The following NCAM2 variants were observed in gnomAD, a reference collection of about 807,000 sequenced individuals.
NCAM2 encodes the protein neural cell adhesion molecule 2.
A neutral mutation model predicts 98.1 loss-of-function variants in NCAM2; 30 were observed. The observed-to-expected ratio is 0.31, with a 90% CI of 0.23 to 0.41. The LOEUF is 0.41. Among genes scored for constraint, NCAM2 ranks in the 10% least tolerant of loss-of-function variants. NCAM2 has a pLI of 1.00. For missense variants in NCAM2, 867 were observed against 1,005.8 expected (o/e 0.86, Z 1.87); for synonymous variants, 368 against 342.4 (o/e 1.07, Z -0.83).
chr21:21,053,195 T>G (rs2065145912), intron 1 of NCAM2, among the ~76,000 whole-genome samples: 1 of 152,132 alleles, frequency 6.6e-6, no homozygotes. Flanking sequence ...AGTAAATATT[T>G]ATATAATGAT....
Position 21,142,841 on chromosome 21 carries a change from A to G in NCAM2, c.56-137737A>G, listed in dbSNP as rs867094100. On this transcript the variant is annotated intron_variant, in intron 1 of 17. Transcript: ENST00000400546. ...GGTTATAAAAACCATAATTAAATGT[A>G]AAGTATTCCTCATTCATTCATTTTC... is the stretch of plus-strand genomic sequence containing the variant. Among the ~76,000 whole-genome samples, 104 of 152,210 alleles carry G rather than the reference A, an allele frequency of 6.8e-4. 1 individual carries two copies. The highest frequency in any genetic ancestry group is 9.8e-4 in the Admixed American group (15 of 15,278).
At chr21:21,443,264 C>T (rs528944010) in intron 12 of NCAM2, among the ~76,000 whole-genome samples, 20 of 151,856 alleles carry the variant, frequency 1.3e-4, no homozygotes, top group Admixed American at 3.9e-4. Flanking sequence ...CATCACACAC[C>T]GGGGACTGCC....
At chr21:20,999,242 C>T (rs1041491835) in intron 1 of NCAM2, among the ~76,000 whole-genome samples, 3 of 152,068 alleles carry the variant, frequency 2.0e-5, no homozygotes, top group African/African-American at 7.2e-5. Flanking sequence ...ATTTTGACCC[C>T]AACCCCTTAT....
intron 1 of NCAM2, among the ~76,000 whole-genome samples, chr21:21,234,867 T>C (rs766309786): frequency 2.6e-5 from 4 of 152,024 alleles, no homozygotes; most frequent in Non-Finnish European, 5.9e-5. Flanking sequence ...AATTGTTCAG[T>C]AGATTCTTTT....
At chr21:21,478,000 C>T (rs1204940069) in intron 15 of NCAM2, among the ~76,000 whole-genome samples, 1 of 152,140 alleles carries the variant, frequency 6.6e-6, no homozygotes, top group Non-Finnish European at 1.5e-5. Context: ...AATGGGAGAA[C>T]ACTGTAAATC....
At chr21:21,111,575 C>T (rs571824137) in intron 1 of NCAM2, among the ~76,000 whole-genome samples, 7 of 152,098 alleles carry the variant, frequency 4.6e-5, no homozygotes, top group South Asian at 4.2e-4. Context: ...ACACATGCTA[C>T]GGATTAAGGA....
chr21:21,509,312 A>G (rs1988208583), intron 16 of NCAM2, among the ~76,000 whole-genome samples: 2 of 152,168 alleles, frequency 1.3e-5, no homozygotes, highest in South Asian at 4.1e-4. Context: ...CACTACCATG[A>G]TTTATAGATG....
At chr21:21,323,645 AG>A (rs2074434952) in intron 5 of NCAM2, among the ~76,000 whole-genome samples, 2 of 152,190 alleles carry the variant, frequency 1.3e-5, no homozygotes, top group African/African-American at 4.8e-5. Flanking sequence ...AGTGCATTTC[AG>A]TAACAGTTTC....
At chr21:21,143,024 G>C (rs1399300711) in intron 1 of NCAM2, among the ~76,000 whole-genome samples, 2 of 152,042 alleles carry the variant, frequency 1.3e-5, no homozygotes, top group Admixed American at 6.6e-5. Flanking sequence ...TATTTTTGCC[G>C]TTGTCCATTT....
rs2072897307 is a variant in NCAM2, at chr21:21,280,654, T to TA, written c.130+3dup. ...AATCTAAATTCTTCACATGTACAGG[T>TA]ACGTATTTCTGTAAATACCTTCAGA... On this transcript the variant is annotated splice_region_variant and intron_variant, in intron 2 of 17. Transcript: ENST00000400546. The TA allele has an allele frequency of 6.5e-7, 1 of 1,535,616 alleles. No individual in the cohort carries two copies. The highest frequency in any genetic ancestry group is 1.4e-5 in the African/African-American group (1 of 71,602).
chr21:21,284,204 A>G lies in NCAM2; in HGVS notation c.141A>G (p.Glu47=), dbSNP rs764742895. Residue 47 remains glutamate, a synonymous_variant, in exon 3 of 18, where the codon GAA becomes GAG. Coordinates refer to ENST00000400546, the MANE Select transcript of NCAM2 (RefSeq NM_004540.5). ...CATGGCTCTTTGCAGCGATTGGTGA[A>G]CCTGAAAGTATAGATTGGTATAATC... The part of the protein sequence containing the change: ...SKFFTCTAIG[E]PESIDWYNPQ... The G allele has an allele frequency of 1.4e-5, 22 of 1,610,976 alleles. No individual in the cohort carries two copies. The highest frequency in any genetic ancestry group is 1.6e-4 in the Middle Eastern group (1 of 6,076).
At chr21:21,037,559 G>A (rs1484401832) in intron 1 of NCAM2, among the ~76,000 whole-genome samples, 3 of 152,242 alleles carry the variant, frequency 2.0e-5, no homozygotes, top group African/African-American at 7.2e-5. Context: ...GAAATGGCAG[G>A]CATTTATTTG....
chr21:21,052,509 C>A (rs1384370791), intron 1 of NCAM2, among the ~76,000 whole-genome samples: 1 of 151,774 alleles, frequency 6.6e-6, no homozygotes, highest in Admixed American at 6.6e-5. Context: ...GTCTCTCTAG[C>A]ATATAGTAAA....
intron 13 of NCAM2, 75 bp from the exon 14 acceptor site, chr21:21,468,587 T>A: frequency 2.8e-6 from 4 of 1,417,288 alleles, no homozygotes; most frequent in South Asian, 1.4e-5. Flanking sequence ...ACATTACTGT[T>A]CTTTTTATTA....
At chr21:21,527,454 A>G (rs996242532) in intron 16 of NCAM2, among the ~76,000 whole-genome samples, 2 of 152,162 alleles carry the variant, frequency 1.3e-5, no homozygotes, top group Non-Finnish European at 2.9e-5. Flanking sequence ...TGCAAAACAC[A>G]TAACTGACAA....
intron 1 of NCAM2, among the ~76,000 whole-genome samples, chr21:21,081,081 G>C (rs559314214): frequency 1.3e-5 from 2 of 152,090 alleles, no homozygotes; most frequent in Non-Finnish European, 2.9e-5. Context: ...TCTTCCATTG[G>C]GGTGGGCTGT....
chr21:21,124,152 G>A (rs924479388), intron 1 of NCAM2, among the ~76,000 whole-genome samples: 3 of 151,966 alleles, frequency 2.0e-5, no homozygotes, highest in Non-Finnish European at 4.4e-5. Context: ...CGTCCTGATT[G>A]CTTTCTAATA....
intron 1 of NCAM2, among the ~76,000 whole-genome samples, chr21:21,000,924 T>G (rs556063680): frequency 6.6e-6 from 1 of 152,224 alleles, no homozygotes; most frequent in Admixed American, 6.5e-5. Flanking sequence ...ACTCATGATT[T>G]TGTTTATTCT....
intron 1 of NCAM2, among the ~76,000 whole-genome samples, chr21:21,036,260 C>A (rs1025698810): frequency 5.9e-5 from 9 of 152,136 alleles, no homozygotes; most frequent in African/African-American, 2.2e-4. Flanking sequence ...AAAGTGAAGT[C>A]CTTTGCTCTT....
Sources: gnomAD v4.1 joint callset for allele counts (sites outside exome capture counted in the v4.1 genomes callset) on GRCh38, gnomAD v4.1.1 for gene constraint, MANE v1.5 for transcripts, NCBI Gene and HGNC (gene_info 2026-07-23, HGNC 2026-07-21) for gene names.